BMPER: variants seen among roughly 807,000 people sequenced by gnomAD.
BMPER encodes the protein BMP binding endothelial regulator.
In BMPER, 45 loss-of-function variants were observed where a neutral mutation model predicts 87.3. That is an observed-to-expected ratio of 0.52 (90% CI 0.41 to 0.66). BMPER has a LOEUF of 0.66. BMPER is among the 30% of genes least tolerant of loss of function. The probability of loss-of-function intolerance (pLI) is 0.00; values close to 1 mark genes in which losing one functional copy is unlikely to be tolerated. For synonymous variants in BMPER, 326 were observed against 316.2 expected, an observed-to-expected ratio of 1.03 and a Z score of -0.33; for missense variants, 784 against 867.5, an observed-to-expected ratio of 0.90 and a Z score of 1.21.
intron 2 of BMPER, among the ~76,000 whole-genome samples, chr7:33,920,271 A>G (rs1208832097): frequency 1.3e-5 from 2 of 152,042 alleles, no homozygotes; most frequent in African/African-American, 2.4e-5. Flanking sequence ...TTCTCCCACC[A>G]GGGGCCCAGC....
At chr7:34,144,987 A>G (rs1434018143) in intron 14 of BMPER, among the ~76,000 whole-genome samples, 1 of 152,234 alleles carries the variant, frequency 6.6e-6, no homozygotes, top group Non-Finnish European at 1.5e-5. Flanking sequence ...ATTGCAGTGT[A>G]CAGACATTGC....
intron 2 of BMPER, among the ~76,000 whole-genome samples, chr7:33,926,905 G>A (rs1423610731): frequency 1.3e-5 from 2 of 152,212 alleles, no homozygotes; most frequent in Admixed American, 1.3e-4. Context: ...TATAGCCTGG[G>A]AGCAGAGATC....
chr7:34,102,905 C>T (rs190372762), intron 13 of BMPER, among the ~76,000 whole-genome samples: 11 of 152,206 alleles, frequency 7.2e-5, no homozygotes, highest in African/African-American at 1.7e-4. Context: ...GGGGCTGTTT[C>T]GCATGGTATG....
At chr7:34,015,828 G>A (rs548596545) in intron 6 of BMPER, among the ~76,000 whole-genome samples, 4 of 152,036 alleles carry the variant, frequency 2.6e-5, no homozygotes, top group South Asian at 2.1e-4. Context: ...TGTGGCTCAC[G>A]CTGAGAGATC....
intron 13 of BMPER, among the ~76,000 whole-genome samples, chr7:34,122,261 A>G (rs1365494857): frequency 2.6e-5 from 4 of 152,224 alleles, no homozygotes; most frequent in Admixed American, 2.0e-4. Context: ...GAGCCCAACA[A>G]TTTGCATTTT....
intron 13 of BMPER, among the ~76,000 whole-genome samples, chr7:34,112,114 C>G (rs1338954866): frequency 6.6e-6 from 1 of 152,090 alleles, no homozygotes; most frequent in Non-Finnish European, 1.5e-5. Flanking sequence ...TTATGAAATT[C>G]TTCCTTTTAG....
In BMPER at chr7:34,078,931, A is replaced by G. The variant is rs755414502; in HGVS notation, c.1153A>G (p.Thr385Ala). The G allele has an allele frequency of 6.8e-6, 11 of 1,614,120 alleles. No individual in the cohort carries two copies. In the Admixed American group the frequency reaches 1.8e-4, roughly 27 times the overall value. The change falls in exon 12 of 15, where the codon ACG becomes GCG. Residue 385 changes from threonine to alanine, a missense_variant. Thr to Ala is a moderately conservative substitution (Grantham distance 58, BLOSUM62 0). Transcript: ENST00000649409. ...CGGTCGGACATTTAACTTTCAGGGGACGTGTCAGTACGTTTTGACAAAAGA... is the reference window on the plus strand; with the variant it reads ...CGGTCGGACATTTAACTTTCAGGGGGCGTGTCAGTACGTTTTGACAAAAGA... ...FDGRTFNFQG[T>A]CQYVLTKDCS...
At chr7:34,079,333 C>G (rs1251412242) in intron 12 of BMPER, 147 bp downstream of exon 12, 1 of 969,814 alleles carries the variant, frequency 1.0e-6, no homozygotes, top group Non-Finnish European at 1.5e-6. Context: ...CGGGACTTGC[C>G]TCATCCCCAC....
chr7:34,019,688 T>G (rs1348623263), intron 6 of BMPER, among the ~76,000 whole-genome samples: 1 of 152,012 alleles, frequency 6.6e-6, no homozygotes, highest in South Asian at 2.1e-4. Context: ...GGGCACATCT[T>G]GAGTCATCTG....
At chr7:34,041,680 C>T (rs183874475) in intron 6 of BMPER, among the ~76,000 whole-genome samples, 11 of 152,234 alleles carry the variant, frequency 7.2e-5, no homozygotes, top group African/African-American at 2.6e-4. Context: ...TTATGGACCA[C>T]ACTTAAATCC....
At position 33,978,517 on chromosome 7, in the gene BMPER, G is replaced by C. The variant is rs189958940; in HGVS notation, c.576+3733G>C. On this transcript the variant is annotated intron_variant, in intron 6 of 14. Coordinates refer to ENST00000649409, the MANE Select transcript of BMPER (RefSeq NM_001365308.1). ...TTTTCACTGAAGGAGTGAGAGAACTGAAATATCTACACACCAACTCCAACC... is the reference window on the plus strand; with the variant it reads ...TTTTCACTGAAGGAGTGAGAGAACTCAAATATCTACACACCAACTCCAACC... Among the ~76,000 whole-genome samples the C allele has an allele frequency of 1.9e-3, 286 of 152,140 alleles. 2 individuals are homozygous for C. Among genetic ancestry groups the C allele is most frequent in the African/African-American group, 6.5e-3 (268 of 41,486 alleles).
In BMPER at chr7:33,905,875, G is replaced by C. The variant is rs1585621430; in HGVS notation, c.133+129G>C. On this transcript the variant is annotated intron_variant, in intron 1 of 14. Transcript: ENST00000649409. ...CCTTGGCGCTTGCCCTGCGCTGGTC[G>C]ATGGGGATGAAGCGAAGCCCCGGGA... 6.9e-6 allele frequency: 9 copies of C among 1,299,808 alleles called. No homozygotes were observed. The Admixed American group carries it at 1.9e-4, about 27-fold the overall frequency. The allele number at this position is 1,299,808 out of a possible 1,614,324, so 80.5% of individuals were successfully genotyped here. A position where few individuals can be genotyped will look rare whatever the true frequency, so the allele number is the denominator to read the frequency against.
At chr7:34,119,069 G>A (rs902494784) in intron 13 of BMPER, among the ~76,000 whole-genome samples, 6 of 116,484 alleles carry the variant, frequency 5.2e-5, no homozygotes, top group African/African-American at 1.2e-4. Flanking sequence ...ATACATGCAC[G>A]CTATTGGTTC....
chr7:34,153,637 C>T lies in BMPER; in HGVS notation c.*364C>T. On this transcript the variant is annotated 3_prime_UTR_variant, in exon 15 of 15. Transcript: ENST00000649409. ...ATTTTTAAGGAAGTTTTCTAAGAGCCCTCAATTGCCTGCCTGTATTAATTT... is the reference window on the plus strand; with the variant it reads ...ATTTTTAAGGAAGTTTTCTAAGAGCTCTCAATTGCCTGCCTGTATTAATTT... 5.3e-6 allele frequency: 1 copy of T among 190,274 alleles called. No homozygotes were observed. The highest frequency in any genetic ancestry group is 1.1e-5 in the Non-Finnish European group (1 of 89,970). The allele number at this position is 190,274 out of a possible 1,614,324, so 11.8% of individuals were successfully genotyped here. A position where few individuals can be genotyped will look rare whatever the true frequency, so the allele number is the denominator to read the frequency against.
chr7:34,030,187 G>A (rs1237572269), intron 6 of BMPER, among the ~76,000 whole-genome samples: 2 of 151,902 alleles, frequency 1.3e-5, no homozygotes, highest in Admixed American at 6.6e-5. Flanking sequence ...TGGGGCATAC[G>A]ATCGATTACT....
At chr7:33,995,596 C>T (rs751102872) in intron 6 of BMPER, among the ~76,000 whole-genome samples, 2 of 152,136 alleles carry the variant, frequency 1.3e-5, no homozygotes, top group Non-Finnish European at 2.9e-5. Flanking sequence ...AAAACCAGGC[C>T]ATGTAAGATT....
At chr7:33,984,633 A>G (rs146609260) in intron 6 of BMPER, among the ~76,000 whole-genome samples, 15 of 152,286 alleles carry the variant, frequency 9.8e-5, no homozygotes, top group African/African-American at 3.6e-4. Flanking sequence ...TGGTAGATGG[A>G]AGGAGAAATT....
chr7:34,114,854 A>C (rs998894921), intron 13 of BMPER, among the ~76,000 whole-genome samples: 1 of 152,274 alleles, frequency 6.6e-6, no homozygotes, highest in Non-Finnish European at 1.5e-5. Context: ...AGGCAAGAGC[A>C]GAGGACAGGT....
chr7:34,142,984 A>G (rs1461670425), intron 13 of BMPER, among the ~76,000 whole-genome samples: 1 of 152,224 alleles, frequency 6.6e-6, no homozygotes, highest in Non-Finnish European at 1.5e-5. Flanking sequence ...GAACATGTCT[A>G]TCCTTACAGC....
Sources: allele counts gnomAD v4.1 joint callset (sites outside exome capture counted in the v4.1 genomes callset), GRCh38; gene constraint gnomAD v4.1.1; transcripts MANE v1.5; gene names NCBI Gene and HGNC (gene_info 2026-07-23, HGNC 2026-07-21).